FAM222B: variants seen among roughly 807,000 people sequenced by gnomAD.
The protein encoded by FAM222B is family with sequence similarity 222 member B, also known as protein FAM222B.
FAM222B carries 12 observed loss-of-function variants against 38.0 expected under a neutral mutation model. The observed-to-expected ratio is 0.32, with a 90% CI of 0.20 to 0.51. FAM222B has a LOEUF of 0.51. Ranked by LOEUF, FAM222B falls within the 20% of genes least tolerant of loss-of-function variation. FAM222B has a pLI of 0.97. For synonymous variants in FAM222B, 329 were observed against 317.2 expected, an observed-to-expected ratio of 1.04 and a Z score of -0.40; for missense variants, 716 against 754.2, an observed-to-expected ratio of 0.95 and a Z score of 0.59.
chr17:28,774,367 C>T (rs79202426), intron 1 of FAM222B, among the ~76,000 whole-genome samples: 125 of 152,206 alleles, frequency 8.2e-4, no homozygotes, highest in African/African-American at 2.9e-3. Context: ...AGAGAAAGAT[C>T]GATCACTTTG....
chr17:28,792,824 A>C (rs2036765028), intron 1 of FAM222B, among the ~76,000 whole-genome samples: 1 of 151,890 alleles, frequency 6.6e-6, no homozygotes, highest in Non-Finnish European at 1.5e-5. Flanking sequence ...CAGAAAGAGA[A>C]ATGTCTATCT....
At chr17:28,805,416 T>C (rs1355150268) in intron 1 of FAM222B, among the ~76,000 whole-genome samples, 1 of 152,074 alleles carries the variant, frequency 6.6e-6, no homozygotes, top group African/African-American at 2.4e-5. Flanking sequence ...ATGCCTGTAA[T>C]CCCAGCTATT....
intron 1 of FAM222B, among the ~76,000 whole-genome samples, chr17:28,804,764 C>T (rs959412030): frequency 2.6e-5 from 4 of 151,948 alleles, no homozygotes; most frequent in Non-Finnish European, 2.9e-5. Flanking sequence ...AAGTGCAGGC[C>T]GGGTGCGGTG....
chr17:28,813,793 G>T (rs559061796), intron 1 of FAM222B, among the ~76,000 whole-genome samples: 1 of 150,798 alleles, frequency 6.6e-6, no homozygotes, highest in African/African-American at 2.4e-5. Flanking sequence ...TGATCCGCCC[G>T]CCTCGGCCTT....
chr17:28,817,368 G>A (rs956949189), intron 1 of FAM222B, among the ~76,000 whole-genome samples: 11 of 151,138 alleles, frequency 7.3e-5, no homozygotes, highest in South Asian at 2.1e-4. Flanking sequence ...AGCCGATATC[G>A]CACCACTGAA....
intron 1 of FAM222B, among the ~76,000 whole-genome samples, chr17:28,795,525 T>A (rs563182807): frequency 4.6e-5 from 7 of 152,314 alleles, no homozygotes; most frequent in Admixed American, 1.3e-4. Flanking sequence ...CTTCCCGGGC[T>A]CAGGTGATTC....
intron 1 of FAM222B, among the ~76,000 whole-genome samples, chr17:28,797,939 C>T (rs914151417): frequency 3.3e-5 from 5 of 151,962 alleles, no homozygotes; most frequent in Non-Finnish European, 7.4e-5. Flanking sequence ...CACCTTTGGT[C>T]CCAGCTCCAC....
chr17:28,782,622 C>G (rs1247699760), intron 1 of FAM222B, among the ~76,000 whole-genome samples: 1 of 152,082 alleles, frequency 6.6e-6, no homozygotes, highest in African/African-American at 2.4e-5. Flanking sequence ...TATGGTATAA[C>G]AAGAATTTTT....
intron 1 of FAM222B, among the ~76,000 whole-genome samples, chr17:28,819,171 C>T (rs1327804168): frequency 2.0e-5 from 3 of 152,132 alleles, no homozygotes; most frequent in Non-Finnish European, 4.4e-5. Flanking sequence ...TCAAGGCAAA[C>T]AATAAAACAA....
At position 28,758,152 on chromosome 17, in the gene FAM222B, A is replaced by G. The variant is rs1234348609; in HGVS notation, c.*118T>C. On this transcript the variant is annotated 3_prime_UTR_variant, in exon 3 of 3. Transcript: ENST00000581407. ...TAGATCCCACCAAATTCCCTTTCTT[A>G]GACATCTAAGAATGATCACACTGGA... The G allele has an allele frequency of 2.2e-6, 2 of 913,282 alleles. No homozygotes were observed. The allele number at this position is 913,282 out of a possible 1,614,324, so 56.6% of individuals were successfully genotyped here. A position where few individuals can be genotyped will look rare whatever the true frequency, so the allele number is the denominator to read the frequency against.
intron 2 of FAM222B, among the ~76,000 whole-genome samples, chr17:28,765,760 C>G (rs546665731): frequency 6.6e-6 from 1 of 152,272 alleles, no homozygotes; most frequent in East Asian, 1.9e-4. Flanking sequence ...TTCAAAGGCT[C>G]AATCTTCTGG....
chr17:28,827,031 T>C (rs913530794), intron 1 of FAM222B, among the ~76,000 whole-genome samples: 7 of 151,878 alleles, frequency 4.6e-5, no homozygotes, highest in Non-Finnish European at 7.4e-5. Flanking sequence ...TCTATTGTCC[T>C]AGCTACTTGG....
intron 1 of FAM222B, among the ~76,000 whole-genome samples, chr17:28,776,148 G>GT (rs1386807769): frequency 6.7e-6 from 1 of 150,136 alleles, no homozygotes; most frequent in Non-Finnish European, 1.5e-5. Flanking sequence ...TGAGGCGGGC[G>GT]TATCATGAGA....
chr17:28,817,133 C>A (rs1390332908), intron 1 of FAM222B, among the ~76,000 whole-genome samples: 1 of 152,046 alleles, frequency 6.6e-6, no homozygotes, highest in East Asian at 1.9e-4. Flanking sequence ...TAGTAATAAG[C>A]CCGGCGCAGT....
chr17:28,844,041 C>T (rs2039120303), upstream of FAM222B, among the ~76,000 whole-genome samples: 1 of 152,158 alleles, frequency 6.6e-6, no homozygotes, highest in Non-Finnish European at 1.5e-5. Context: ...GAGCCTGGCC[C>T]TTTTTCAAAC....
chr17:28,840,573 T>G (rs2039002837), intron 1 of FAM222B, among the ~76,000 whole-genome samples: 1 of 152,142 alleles, frequency 6.6e-6, no homozygotes, highest in Non-Finnish European at 1.5e-5. Flanking sequence ...GCTAGAGGGC[T>G]GCCTTATGCA....
chr17:28,764,896 G>C (rs1349324060), intron 2 of FAM222B, among the ~76,000 whole-genome samples: 1 of 152,172 alleles, frequency 6.6e-6, no homozygotes, highest in Non-Finnish European at 1.5e-5. Flanking sequence ...AACAAAGGAA[G>C]CTTCTCTTTG....
At chr17:28,788,628 AT>A (rs1422428618) in intron 1 of FAM222B, among the ~76,000 whole-genome samples, 13 of 152,236 alleles carry the variant, frequency 8.5e-5, no homozygotes, top group Non-Finnish European at 1.9e-4. Flanking sequence ...CAAACAAGTC[AT>A]TTAAGTCAAC....
intron 1 of FAM222B, among the ~76,000 whole-genome samples, chr17:28,789,042 C>T (rs1039081185): frequency 1.4e-5 from 2 of 141,810 alleles, no homozygotes; most frequent in African/African-American, 2.6e-5. Context: ...TAAGCCACAG[C>T]GCCCGGCCTT....
Sources: allele counts gnomAD v4.1 joint callset (sites outside exome capture counted in the v4.1 genomes callset), GRCh38; gene constraint gnomAD v4.1.1; transcripts MANE v1.5; gene names NCBI Gene and HGNC (gene_info 2026-07-23, HGNC 2026-07-21).